The following ZNF804B variants were observed in gnomAD, a reference collection of about 807,000 sequenced individuals.
ZNF804B encodes the protein zinc finger 804B.
In ZNF804B, 80 loss-of-function variants were observed where a neutral mutation model predicts 101.4. The observed-to-expected ratio is 0.79, with a 90% CI of 0.66 to 0.95. ZNF804B has a LOEUF of 0.95. ZNF804B is among the 40% of genes least tolerant of loss of function. The probability of loss-of-function intolerance (pLI) is 0.00; values close to 1 mark genes in which losing one functional copy is unlikely to be tolerated. For synonymous variants in ZNF804B, 622 were observed against 558.8 expected, an observed-to-expected ratio of 1.11 and a Z score of -1.59; for missense variants, 1,673 against 1,561.9, an observed-to-expected ratio of 1.07 and a Z score of -1.20.
At chr7:89,240,412 T>TC (rs1789350426) in intron 2 of ZNF804B, among the ~76,000 whole-genome samples, 1 of 151,914 alleles carries the variant, frequency 6.6e-6, no homozygotes, top group Non-Finnish European at 1.5e-5. Context: ...AGTTTTTTTT[T>TC]CTCTCTTTCT....
intron 1 of ZNF804B, among the ~76,000 whole-genome samples, chr7:89,142,221 A>G (rs539681538): frequency 1.6e-3 from 237 of 152,042 alleles, no homozygotes; most frequent in African/African-American, 5.4e-3. Context: ...GTCCTAAAAA[A>G]AAAGAAGGAT....
chr7:88,985,110 T>A, intron 1 of ZNF804B, among the ~76,000 whole-genome samples: 1 of 152,216 alleles, frequency 6.6e-6, no homozygotes, highest in East Asian at 1.9e-4. Flanking sequence ...AGTCTGACTG[T>A]ATCTATTTTA....
intron 1 of ZNF804B, among the ~76,000 whole-genome samples, chr7:89,050,400 A>G (rs1789181437): frequency 6.6e-6 from 1 of 152,262 alleles, no homozygotes; most frequent in South Asian, 2.1e-4. Flanking sequence ...AAGTCGTACC[A>G]TTTTCAATCA....
intron 1 of ZNF804B, among the ~76,000 whole-genome samples, chr7:89,099,667 C>T (rs1249212460): frequency 6.6e-6 from 1 of 152,122 alleles, no homozygotes; most frequent in Non-Finnish European, 1.5e-5. Flanking sequence ...TAGAGCTCTA[C>T]ATAGGGAAAT....
intron 1 of ZNF804B, among the ~76,000 whole-genome samples, chr7:89,202,548 G>T (rs1037135412): frequency 6.6e-6 from 1 of 152,044 alleles, no homozygotes; most frequent in Admixed American, 6.6e-5. Context: ...CTTTGATTTT[G>T]ATTACATGGT....
At chr7:89,186,781 A>G (rs1053523055) in intron 1 of ZNF804B, among the ~76,000 whole-genome samples, 1 of 152,148 alleles carries the variant, frequency 6.6e-6, no homozygotes, top group African/African-American at 2.4e-5. Flanking sequence ...GTTTAGAAAA[A>G]GAAAACAAAA....
chr7:89,231,884 G>A (rs1040082238), intron 2 of ZNF804B, among the ~76,000 whole-genome samples: 2 of 151,966 alleles, frequency 1.3e-5, no homozygotes, highest in Non-Finnish European at 2.9e-5. Flanking sequence ...TACAAATAAA[G>A]CCAGTCTTAC....
intron 1 of ZNF804B, among the ~76,000 whole-genome samples, chr7:88,811,584 C>T (rs1323156068): frequency 6.6e-6 from 1 of 152,064 alleles, no homozygotes; most frequent in Admixed American, 6.6e-5. Flanking sequence ...AGATGCCCAT[C>T]AGTGATAGAT....
intron 1 of ZNF804B, among the ~76,000 whole-genome samples, chr7:89,210,729 T>C (rs1425087003): frequency 2.0e-5 from 3 of 152,238 alleles, no homozygotes; most frequent in Non-Finnish European, 4.4e-5. Flanking sequence ...CCACATTTTC[T>C]TTATCCAGTC....
At chr7:88,977,573 G>T (rs757362151) in intron 1 of ZNF804B, among the ~76,000 whole-genome samples, 3 of 151,362 alleles carry the variant, frequency 2.0e-5, no homozygotes, top group Non-Finnish European at 4.4e-5. Context: ...TTGAATTTTT[G>T]CAATATCCAT....
At chr7:89,255,983 A>G (rs1789626793) in intron 2 of ZNF804B, among the ~76,000 whole-genome samples, 1 of 152,164 alleles carries the variant, frequency 6.6e-6, no homozygotes, top group Non-Finnish European at 1.5e-5. Flanking sequence ...ACCAAAACCC[A>G]ATTCCAAAAC....
In ZNF804B at chr7:89,031,139, C is replaced by T. The variant is rs150495629; in HGVS notation, c.109-187016C>T. Among the ~76,000 whole-genome samples, 446 of 151,348 alleles carry T rather than the reference C, an allele frequency of 2.9e-3. 1 individual carries two copies. Among genetic ancestry groups the T allele is most frequent in the African/African-American group, 0.01 (421 of 41,258 alleles). On this transcript the variant is annotated intron_variant, in intron 1 of 3. Transcript: ENST00000333190. ...ACTTATGTAACAAACCTGCACATTA[C>T]GCACATGTACCCTGCAACTTAAAGT... is the stretch of plus-strand genomic sequence containing the variant.
At chr7:89,116,718 C>G (rs1406318691) in intron 1 of ZNF804B, among the ~76,000 whole-genome samples, 1 of 152,044 alleles carries the variant, frequency 6.6e-6, no homozygotes, top group African/African-American at 2.4e-5. Flanking sequence ...AGCGTATTTC[C>G]TTATCTGTCC....
At chr7:89,015,194 C>G (rs1788527164) in intron 1 of ZNF804B, among the ~76,000 whole-genome samples, 1 of 151,708 alleles carries the variant, frequency 6.6e-6, no homozygotes, top group Non-Finnish European at 1.5e-5. Context: ...TTATTTTGTT[C>G]CATTAATCTT....
At chr7:88,800,692 T>TTGTGTGTGTGTGTGTGTG (rs6150209) in intron 1 of ZNF804B, among the ~76,000 whole-genome samples, 3 of 146,600 alleles carry the variant, frequency 2.0e-5, no homozygotes, top group Non-Finnish European at 4.5e-5. Flanking sequence ...TAGATATGAT[T>TTGTGTGTGTGTGTGTGTG]TGTGTGTGTG....
chr7:88,870,451 A>T (rs1404316524), intron 1 of ZNF804B, among the ~76,000 whole-genome samples: 3 of 151,554 alleles, frequency 2.0e-5, no homozygotes, highest in African/African-American at 7.3e-5. Context: ...GTCTTAGATG[A>T]AATTCCAAGA....
intron 1 of ZNF804B, among the ~76,000 whole-genome samples, chr7:89,154,729 G>C (rs1326926666): frequency 6.6e-6 from 1 of 152,048 alleles, no homozygotes; most frequent in Non-Finnish European, 1.5e-5. Context: ...GTAATGGGGG[G>C]CTGGGAGGGA....
intron 1 of ZNF804B, among the ~76,000 whole-genome samples, chr7:89,204,830 T>A (rs566382774): frequency 6.6e-6 from 1 of 152,340 alleles, no homozygotes; most frequent in East Asian, 1.9e-4. Flanking sequence ...AAAAAGCAAG[T>A]ACACATAGTT....
chr7:89,255,166 G>A (rs1789607628), intron 2 of ZNF804B, among the ~76,000 whole-genome samples: 1 of 152,102 alleles, frequency 6.6e-6, no homozygotes, highest in African/African-American at 2.4e-5. Context: ...CACAGGGGTG[G>A]CAGAACAGAG....
Sources: allele counts gnomAD v4.1 joint callset (sites outside exome capture counted in the v4.1 genomes callset), GRCh38; gene constraint gnomAD v4.1.1; transcripts MANE v1.5; gene names NCBI Gene and HGNC (gene_info 2026-07-23, HGNC 2026-07-21).